Variants in MLIP observed in about 807,000 individuals in gnomAD.
The protein encoded by MLIP is muscular LMNA interacting protein.
Under a neutral mutation model 84.8 loss-of-function variants are expected in MLIP, and 79 were observed. The observed-to-expected ratio is 0.93, with a 90% CI of 0.78 to 1.12. The LOEUF is 1.12. MLIP is among the 50% of genes most tolerant of loss of function. The pLI is 0.00. For missense variants in MLIP, 1,257 were observed against 1,160.6 expected, an observed-to-expected ratio of 1.08 and a Z score of -1.21; for synonymous variants, 504 against 463.0, an observed-to-expected ratio of 1.09 and a Z score of -1.14.
intron 2 of MLIP, among the ~76,000 whole-genome samples, 173 bp downstream of exon 2, chr6:54,121,775 C>T (rs1770476470): frequency 6.6e-6 from 1 of 152,140 alleles, no homozygotes; most frequent in Admixed American, 6.6e-5. Context: ...ATTGCATGTT[C>T]TCTCTAATGC....
rs976404777 is a variant in MLIP, at chr6:54,025,059, G to A, written c.63+5968G>A. Among the ~76,000 whole-genome samples the A allele has an allele frequency of 6.6e-5, 10 of 150,378 alleles. No individual in the cohort carries two copies. In the East Asian group the frequency reaches 1.6e-3, roughly 23 times the overall value. On this transcript the variant is annotated intron_variant, in intron 1 of 12. Coordinates refer to the MLIP transcript ENST00000274897. ...AGACAGGGTTTCACTCTGTTGCCCA[G>A]GCTAGTCTCGAACTCCTGGGCTCAG...
At chr6:54,109,909 T>TC (rs1769297270), upstream of MLIP, among the ~76,000 whole-genome samples, 1 of 112,526 alleles carries the variant, frequency 8.9e-6, no homozygotes, top group African/African-American at 3.2e-5. Flanking sequence ...CTTTCTTTCT[T>TC]TTTCTTTCTT....
At chr6:54,190,891 G>A (rs1377977391) in intron 10 of MLIP, among the ~76,000 whole-genome samples, 3 of 151,562 alleles carry the variant, frequency 2.0e-5, no homozygotes, top group Non-Finnish European at 4.4e-5. Context: ...CGCCTCCCGG[G>A]TTCACGCCAT....
At chr6:54,205,581 G>A (rs990881328) in intron 11 of MLIP, among the ~76,000 whole-genome samples, 10 of 152,138 alleles carry the variant, frequency 6.6e-5, no homozygotes, top group Non-Finnish European at 1.3e-4. Flanking sequence ...TGTATTTACT[G>A]TAGTTCAAAA....
intron 12 of MLIP, among the ~76,000 whole-genome samples, chr6:54,245,186 C>A (rs1781995134): frequency 6.6e-6 from 1 of 152,086 alleles, no homozygotes; most frequent in Admixed American, 6.6e-5. Context: ...AAATCAGGTT[C>A]CTTAAAAGCA....
chr6:54,058,402 C>T lies in MLIP; in HGVS notation c.63+39311C>T, dbSNP rs574819581. Among the ~76,000 whole-genome samples, 6 of 152,286 alleles carry T rather than the reference C, an allele frequency of 3.9e-5. No homozygotes were observed. The South Asian group carries it at 1.2e-3, about 32-fold the overall frequency. ...ACTTGAGTGGGAACTGAAATGCAGGCAGCATTCCACTTGATAAGCTGTGCA... is the reference window on the plus strand; with the variant it reads ...ACTTGAGTGGGAACTGAAATGCAGGTAGCATTCCACTTGATAAGCTGTGCA... On this transcript the variant is annotated intron_variant, in intron 1 of 12. Coordinates refer to the MLIP transcript ENST00000274897.
Position 54,051,794 on chromosome 6 carries a change from A to G in MLIP, c.63+32703A>G, listed in dbSNP as rs577207211. ...CATAAAGTTTATAATTTTTGAAGAC[A>G]CAGTTTTTGGGCTATATAAATAAAG... On this transcript the variant is annotated intron_variant, in intron 1 of 12. Coordinates refer to the MLIP transcript ENST00000274897. 4.6e-5 allele frequency among the ~76,000 whole-genome samples: 7 copies of G among 152,248 alleles called. No individual in the cohort carries two copies. In the South Asian group the frequency reaches 1.5e-3, roughly 32 times the overall value.
chr6:54,145,919 C>T (rs898879086), intron 4 of MLIP, among the ~76,000 whole-genome samples: 1 of 152,068 alleles, frequency 6.6e-6, no homozygotes, highest in Non-Finnish European at 1.5e-5. Context: ...GCAGGAGTTC[C>T]TAGTCCTTAG....
intron 12 of MLIP, among the ~76,000 whole-genome samples, chr6:54,235,231 C>T (rs1781285197): frequency 6.6e-6 from 1 of 152,122 alleles, no homozygotes; most frequent in Admixed American, 6.6e-5. Flanking sequence ...TATTCTTTTA[C>T]TTTACTTAAA....
chr6:54,256,267 G>T (rs1385265916), intron 12 of MLIP, among the ~76,000 whole-genome samples: 1 of 152,160 alleles, frequency 6.6e-6, no homozygotes, highest in African/African-American at 2.4e-5. Context: ...GAAATGTCAG[G>T]TGGAGACCTC....
At chr6:54,247,723 G>C (rs2150857375) in intron 12 of MLIP, among the ~76,000 whole-genome samples, 1 of 152,206 alleles carries the variant, frequency 6.6e-6, no homozygotes, top group Admixed American at 6.6e-5. Context: ...GTTACCTATA[G>C]ACATACAGTC....
chr6:54,117,817 G>A (rs1770080933), intron 1 of MLIP, among the ~76,000 whole-genome samples: 1 of 151,752 alleles, frequency 6.6e-6, no homozygotes, highest in Non-Finnish European at 1.5e-5. Flanking sequence ...GTGTTGGCGG[G>A]CGCCTGTAGT....
chr6:54,163,758 T>G (rs527588193), intron 8 of MLIP, among the ~76,000 whole-genome samples: 17 of 152,106 alleles, frequency 1.1e-4, no homozygotes, highest in African/African-American at 4.1e-4. Flanking sequence ...GGATACTTAT[T>G]TCTGATTTAG....
chr6:54,142,409 T>C (rs1037012335), intron 4 of MLIP, among the ~76,000 whole-genome samples: 1 of 152,100 alleles, frequency 6.6e-6, no homozygotes, highest in African/African-American at 2.4e-5. Flanking sequence ...ACAAGTTATG[T>C]TGGGGTATTG....
chr6:54,218,582 C>T (rs138763080), intron 11 of MLIP, among the ~76,000 whole-genome samples: 1,893 of 152,128 alleles, frequency 0.012, 51 homozygotes, highest in South Asian at 0.12. Context: ...GGCAGTGGTG[C>T]GATCTCGGCT....
At chr6:54,263,608 G>T (rs565480947) in intron 13 of MLIP, among the ~76,000 whole-genome samples, 28 of 151,940 alleles carry the variant, frequency 1.8e-4, no homozygotes, top group Non-Finnish European at 2.4e-4. Flanking sequence ...TGCATTTAAT[G>T]GGAATGAAAA....
intron 1 of MLIP, among the ~76,000 whole-genome samples, chr6:54,053,308 A>C (rs1021059303): frequency 2.6e-5 from 4 of 152,152 alleles, no homozygotes; most frequent in African/African-American, 7.2e-5. Context: ...TCAGAACCAT[A>C]ATTTTGGGAT....
intron 12 of MLIP, among the ~76,000 whole-genome samples, chr6:54,247,269 T>C (rs1368175660): frequency 2.0e-5 from 3 of 152,214 alleles, no homozygotes; most frequent in Non-Finnish European, 4.4e-5. Context: ...AGTGGAGAGT[T>C]TTCTTTAAGG....
intron 13 of MLIP, among the ~76,000 whole-genome samples, chr6:54,259,890 C>G (rs943688563): frequency 1.3e-5 from 2 of 151,818 alleles, no homozygotes; most frequent in African/African-American, 2.4e-5. Context: ...TTCCCCCAAA[C>G]CTTTTCTCTG....
Sources: gnomAD v4.1 joint callset for allele counts (sites outside exome capture counted in the v4.1 genomes callset) on GRCh38, gnomAD v4.1.1 for gene constraint, MANE v1.5 for transcripts, NCBI Gene and HGNC (gene_info 2026-07-23, HGNC 2026-07-21) for gene names.